Variants in USP50 observed in about 807,000 individuals in gnomAD.
The protein encoded by USP50 is ubiquitin carboxyl-terminal hydrolase 50.
USP50 carries 37 observed loss-of-function variants against 39.2 expected under a neutral mutation model. That is an observed-to-expected ratio of 0.94 (90% confidence interval 0.73 to 1.24). The LOEUF is 1.24. USP50 is among the 50% of genes most tolerant of loss of function. The probability of loss-of-function intolerance (pLI) is 0.00; values close to 1 mark genes in which losing one functional copy is unlikely to be tolerated. For synonymous variants in USP50, 139 were observed against 144.5 expected, an observed-to-expected ratio of 0.96 and a Z score of 0.27; for missense variants, 374 against 398.2, an observed-to-expected ratio of 0.94 and a Z score of 0.52.
intron 6 of USP50, chr15:50,508,868 C>T (rs930926583): frequency 3.3e-5 from 5 of 151,428 alleles, no homozygotes; most frequent in South Asian, 2.1e-4. Flanking sequence ...GGCGCGGTGG[C>T]TCACGCCTGT....
At chr15:50,538,273 C>CAAA (rs766139797) in intron 5 of USP50, among the ~76,000 whole-genome samples, 184 of 17,296 alleles carry the variant, frequency 0.011, 25 homozygotes, top group African/African-American at 0.021. Flanking sequence ...GAGACTGTCT[C>CAAA]AAAAAAAAAA....
downstream of USP50, chr15:50,496,114 T>G (rs200641784): frequency 8.5e-6 from 13 of 1,524,478 alleles, no homozygotes; most frequent in East Asian, 2.9e-4. Flanking sequence ...AGAAAATGAT[T>G]TATTGGATAA....
At chr15:50,506,601 C>T (rs2052661673) in intron 6 of USP50, 1 of 151,922 alleles carries the variant, frequency 6.6e-6, no homozygotes, top group Non-Finnish European at 1.5e-5. Flanking sequence ...CAAGTAAATC[C>T]GAATTTATTA....
chr15:50,513,683 C>G (rs1339729733), intron 6 of USP50: 1 of 151,902 alleles, frequency 6.6e-6, no homozygotes, highest in African/African-American at 2.4e-5. Flanking sequence ...AGAAAGTATA[C>G]AAATTTAAGT....
At chr15:50,525,532 G>GTATATGTATATATGTATATATGTGTA (rs1566907465) in intron 6 of USP50, among the ~76,000 whole-genome samples, 4 of 88,922 alleles carry the variant, frequency 4.5e-5, no homozygotes, top group South Asian at 3.2e-4. Flanking sequence ...ATATGTATAT[G>GTATATGTATATATGTATATATGTGTA]TATATGTATA....
rs1287419471 is a variant in USP50 at position 50,500,632 on chromosome 15, A to G, written c.*137T>C. On this transcript the variant is annotated 3_prime_UTR_variant, in exon 7 of 7. Coordinates refer to ENST00000532404, the MANE Select transcript of USP50 (RefSeq NM_203494.5). ...GCTGACTGCTTGTTTTGCAGTGTTC[A>G]GGAAACACCATTTTCCTGGCTCTTA... The G allele has an allele frequency of 2.6e-6, 2 of 783,524 alleles. No homozygotes were observed. Among genetic ancestry groups the G allele is most frequent in the African/African-American group, 1.7e-5 (1 of 57,924 alleles). The allele number at this position is 783,524 out of a possible 1,614,324, so 48.5% of individuals were successfully genotyped here. A position where few individuals can be genotyped will look rare whatever the true frequency, so the allele number is the denominator to read the frequency against.
intron 5 of USP50, chr15:50,532,057 C>T (rs1167546449): frequency 1.3e-5 from 6 of 454,288 alleles, no homozygotes; most frequent in Admixed American, 2.4e-5. Context: ...AACAGGTCTG[C>T]GTAGGAAAAC....
rs2053033194 is a variant in USP50 at position 50,541,990 on chromosome 15, G to A, written c.445-726C>T. Among the ~76,000 whole-genome samples the A allele has an allele frequency of 2.6e-5, 4 of 151,370 alleles. No individual in the cohort carries two copies. In the South Asian group the frequency reaches 8.3e-4, roughly 32 times the overall value. ...CGTGCTTTGGGAGGCTGAGGCGGGA[G>A]GAGTTTGAGATCAGATTGGGAAACA... On this transcript the variant is annotated intron_variant, in intron 3 of 6. Coordinates refer to ENST00000532404, the MANE Select transcript of USP50 (RefSeq NM_203494.5).
chr15:50,529,349 TA>T (rs60643073), intron 6 of USP50, among the ~76,000 whole-genome samples: 3,774 of 134,518 alleles, frequency 0.028, 126 homozygotes, highest in African/African-American at 0.082. Context: ...ATCTCTACTT[TA>T]AAAAAAAAAA....
chr15:50,518,248 T>C (rs2052819031), intron 6 of USP50, among the ~76,000 whole-genome samples: 1 of 146,788 alleles, frequency 6.8e-6, no homozygotes, highest in African/African-American at 2.5e-5. Flanking sequence ...TGAGACAGAG[T>C]CTCGCTCCAT....
rs772522125 is a variant in USP50, at chr15:50,529,782, T to C, written c.936+15A>G. ...TTTAAAATTGGATTACTTTTAACAG[T>C]TTGTTTTTACTCACCACCACTGCAC... On this transcript the variant is annotated intron_variant, in intron 6 of 6. Coordinates refer to ENST00000532404, the MANE Select transcript of USP50 (RefSeq NM_203494.5). The C allele has an allele frequency of 6.2e-7, 1 of 1,607,398 alleles. No homozygotes were observed. Among genetic ancestry groups the C allele is most frequent in the Non-Finnish European group, 8.5e-7 (1 of 1,178,004 alleles).
intron 6 of USP50, chr15:50,512,436 G>T (rs558865084): frequency 6.6e-6 from 1 of 152,278 alleles, no homozygotes; most frequent in African/African-American, 2.4e-5. Context: ...TGGGGATAAC[G>T]AAAATGTTCT....
chr15:50,544,668 T>A lies in USP50; in HGVS notation c.167A>T (p.Asn56Ile), dbSNP rs1335613898. ...GCTGCAGAGACACTGTGAGATGGCA[T>A]TCACGCAGCATGTGTTGCCCAAGTT... The part of the protein sequence containing the change: ...LWNLGNTCCV[N>I]AISQCLCSIL... The change falls in exon 2 of 7, where the codon AAT becomes ATT. Residue 56 changes from asparagine to isoleucine, a missense_variant. Transcript: ENST00000532404. The A allele has an allele frequency of 1.2e-6, 2 of 1,613,958 alleles. No individual in the cohort carries two copies. Among genetic ancestry groups the A allele is most frequent in the Non-Finnish European group, 1.7e-6 (2 of 1,179,870 alleles).
chr15:50,499,180 C>T (rs2052525848), downstream of USP50: 2 of 1,303,362 alleles, frequency 1.5e-6, no homozygotes, highest in South Asian at 3.1e-5. Flanking sequence ...TATAGCTGGC[C>T]ATTTAGAGGA....
chr15:50,513,618 A>C (rs1252549677), intron 6 of USP50: 2 of 152,084 alleles, frequency 1.3e-5, no homozygotes, highest in East Asian at 3.8e-4. Context: ...CATAAGAAAA[A>C]GGCAGGCCAC....
Position 50,543,792 on chromosome 15 carries a change from C to T in USP50, c.250G>A (p.Asp84Asn), listed in dbSNP as rs771149676. 45 of 1,605,380 alleles carry T rather than the reference C, an allele frequency of 2.8e-5. No homozygotes were observed. Among genetic ancestry groups the T allele is most frequent in the South Asian group, 1.6e-4 (14 of 89,580 alleles). The change falls in exon 3 of 7, where the codon GAT (aspartate) becomes AAT (asparagine). Residue 84 changes from aspartate (D) to asparagine (N), a missense_variant and splice_region_variant. By Grantham distance (23) the Asp-to-Asn change is conservative. Coordinates refer to ENST00000532404, the MANE Select transcript of USP50 (RefSeq NM_203494.5). ...TGKYITALQN[D>N]CSEVATAFAY... Reference sequence around the variant, plus strand: ...AAAGCAGTGGCAACTTCACTGCAATCGCTTGGAAGAAGAAAGGGATATGTT... The same window carrying T: ...AAAGCAGTGGCAACTTCACTGCAATTGCTTGGAAGAAGAAAGGGATATGTT...
chr15:50,519,834 G>A (rs1382271948), intron 6 of USP50, among the ~76,000 whole-genome samples: 5 of 152,134 alleles, frequency 3.3e-5, no homozygotes, highest in Non-Finnish European at 7.3e-5. Flanking sequence ...CTGTTGGTGG[G>A]AATGTAAATT....
At chr15:50,540,372 T>G (rs1033279675) in intron 4 of USP50, among the ~76,000 whole-genome samples, 1 of 152,182 alleles carries the variant, frequency 6.6e-6, no homozygotes, top group African/African-American at 2.4e-5. Flanking sequence ...ATGTTTTATA[T>G]CTAGTTCCCA....
At chr15:50,506,326 G>A (rs2052657842) in intron 6 of USP50, 1 of 152,246 alleles carries the variant, frequency 6.6e-6, no homozygotes, top group Admixed American at 6.6e-5. Flanking sequence ...TGCTGCATTA[G>A]ATTCTCACAG....
Sources: allele counts gnomAD v4.1 joint callset (sites outside exome capture counted in the v4.1 genomes callset), GRCh38; gene constraint gnomAD v4.1.1; transcripts MANE v1.5; gene names NCBI Gene and HGNC (gene_info 2026-07-23, HGNC 2026-07-21).